The following STIM1 variants were observed in gnomAD, a reference collection of about 807,000 sequenced individuals.
The protein encoded by STIM1 is stromal interaction molecule 1.
In STIM1, 25 loss-of-function variants were observed where a neutral mutation model predicts 74.7. The ratio of observed to expected loss-of-function variants is 0.33; its 90% confidence interval spans 0.24 to 0.47. The LOEUF (loss-of-function observed/expected upper bound fraction) is 0.47, where lower values mean the gene tolerates loss of function less well. STIM1 is among the 20% of genes least tolerant of loss of function. STIM1 has a pLI of 1.00. For missense variants in STIM1, 728 were observed against 920.8 expected (o/e 0.79, Z 2.71); for synonymous variants, 328 against 348.8 (o/e 0.94, Z 0.66).
intron 1 of STIM1, among the ~76,000 whole-genome samples, chr11:3,903,076 T>G (rs924390019): frequency 6.6e-6 from 1 of 152,222 alleles, no homozygotes; most frequent in Non-Finnish European, 1.5e-5. Context: ...TATTAGTAGT[T>G]TATTCAGATT....
chr11:3,900,039 G>A (rs1345601351), intron 1 of STIM1, among the ~76,000 whole-genome samples: 2 of 152,178 alleles, frequency 1.3e-5, no homozygotes, highest in Admixed American at 1.3e-4. Context: ...CATAAATTGA[G>A]TTAGGGAGGA....
At chr11:3,983,885 T>A (rs1340344078) in intron 2 of STIM1, among the ~76,000 whole-genome samples, 1 of 151,932 alleles carries the variant, frequency 6.6e-6, no homozygotes, top group African/African-American at 2.4e-5. Flanking sequence ...TTTTTTTTTT[T>A]AGATGGAGTT....
intron 1 of STIM1, among the ~76,000 whole-genome samples, chr11:3,919,405 A>T (rs77732489): frequency 0.54 from 81,474 of 151,734 alleles, 23,319 homozygotes; most frequent in African/African-American, 0.76. Flanking sequence ...GGGTTTCACC[A>T]TCTTGGCCAG....
chr11:4,081,505 C>T (rs2094465219), intron 7 of STIM1, among the ~76,000 whole-genome samples: 1 of 152,230 alleles, frequency 6.6e-6, no homozygotes, highest in African/African-American at 2.4e-5. Flanking sequence ...ATCATAGACG[C>T]AGTCTCTGGG....
At chr11:4,000,536 G>GCC (rs2093705352) in intron 2 of STIM1, among the ~76,000 whole-genome samples, 1 of 150,302 alleles carries the variant, frequency 6.7e-6, no homozygotes, top group Non-Finnish European at 1.5e-5. Flanking sequence ...CTGTCTGTTA[G>GCC]GAGGAAAACT....
intron 1 of STIM1, among the ~76,000 whole-genome samples, chr11:3,859,829 G>C (rs1590498712): frequency 6.6e-6 from 1 of 152,352 alleles, no homozygotes; most frequent in African/African-American, 2.4e-5. Context: ...TGGGGCCTGG[G>C]GAGAGGGACA....
chr11:3,898,599 G>A (rs1246331574), intron 1 of STIM1, among the ~76,000 whole-genome samples: 1 of 148,526 alleles, frequency 6.7e-6, no homozygotes, highest in Non-Finnish European at 1.5e-5. Flanking sequence ...CCATGCCTAT[G>A]TCCTGAATGG....
intron 2 of STIM1, among the ~76,000 whole-genome samples, chr11:3,979,343 G>A (rs535860810): frequency 8.5e-5 from 13 of 152,264 alleles, no homozygotes; most frequent in African/African-American, 2.9e-4. Context: ...TTTGGGTTCT[G>A]TGTCTCCTGC....
chr11:3,980,910 T>C (rs1415646784), intron 2 of STIM1, among the ~76,000 whole-genome samples: 1 of 152,174 alleles, frequency 6.6e-6, no homozygotes, highest in African/African-American at 2.4e-5. Context: ...ACCAAAAATA[T>C]TGCCAGTTAC....
chr11:3,997,052 G>A (rs2093669267), intron 2 of STIM1, among the ~76,000 whole-genome samples: 1 of 152,218 alleles, frequency 6.6e-6, no homozygotes, highest in Admixed American at 6.5e-5. Flanking sequence ...GGTTCTGACA[G>A]TTTGTAAGAC....
chr11:3,907,998 AC>A (rs2092495602), intron 1 of STIM1, among the ~76,000 whole-genome samples: 1 of 152,010 alleles, frequency 6.6e-6, no homozygotes, highest in African/African-American at 2.4e-5. Flanking sequence ...CCCACCACAC[AC>A]TGCAACCCCT....
At chr11:4,037,194 T>G (rs1459705302) in intron 3 of STIM1, among the ~76,000 whole-genome samples, 1 of 152,108 alleles carries the variant, frequency 6.6e-6, no homozygotes, top group Non-Finnish European at 1.5e-5. Flanking sequence ...TAGCTGGAAT[T>G]ACAGGTGTGT....
At chr11:3,994,446 C>T (rs544944549) in intron 2 of STIM1, among the ~76,000 whole-genome samples, 47 of 149,468 alleles carry the variant, frequency 3.1e-4, no homozygotes, top group Admixed American at 5.4e-4. Flanking sequence ...GAATATTTTT[C>T]CTTCTCCTTT....
Position 4,030,303 on chromosome 11 carries a change from G to T in STIM1, c.385+6316G>T, listed in dbSNP as rs532402597. On this transcript the variant is annotated intron_variant, in intron 3 of 12. Transcript: ENST00000526596. ...GAGATCGCAACTTCACTCCAGCCTG[G>T]GTGAAAGAGTGAAACTCCATCTCAA... 2.5e-4 allele frequency among the ~76,000 whole-genome samples: 37 copies of T among 149,638 alleles called. No homozygotes were observed. The South Asian group carries it at 7.9e-3, about 32-fold the overall frequency.
intron 1 of STIM1, among the ~76,000 whole-genome samples, chr11:3,879,960 G>A (rs1213277368): frequency 1.3e-5 from 2 of 152,172 alleles, no homozygotes; most frequent in East Asian, 3.8e-4. Flanking sequence ...TAGGATTAAT[G>A]TTGAACTAAG....
At chr11:4,024,610 A>C (rs2136022076) in intron 3 of STIM1, among the ~76,000 whole-genome samples, 1 of 152,262 alleles carries the variant, frequency 6.6e-6, no homozygotes, top group East Asian at 1.9e-4. Context: ...CAGACCTCCA[A>C]GTGTGATTTT....
intron 3 of STIM1, among the ~76,000 whole-genome samples, chr11:4,028,554 G>A (rs966025710): frequency 6.6e-6 from 1 of 151,634 alleles, no homozygotes; most frequent in Non-Finnish European, 1.5e-5. Context: ...GATTACAGGC[G>A]TGAACCCCCA....
At chr11:4,001,103 C>T (rs1380091698) in intron 2 of STIM1, among the ~76,000 whole-genome samples, 7 of 152,146 alleles carry the variant, frequency 4.6e-5, no homozygotes, top group South Asian at 2.1e-4. Flanking sequence ...ACCAAATCTG[C>T]GTCTGATTGG....
intron 5 of STIM1, among the ~76,000 whole-genome samples, chr11:4,066,664 G>T (rs2094367743): frequency 6.6e-6 from 1 of 151,872 alleles, no homozygotes; most frequent in Admixed American, 6.6e-5. Flanking sequence ...GGGCAACATA[G>T]CAAGACCTCC....
Sources: allele counts gnomAD v4.1 joint callset (sites outside exome capture counted in the v4.1 genomes callset), GRCh38; gene constraint gnomAD v4.1.1; transcripts MANE v1.5; gene names NCBI Gene and HGNC (gene_info 2026-07-23, HGNC 2026-07-21).